CLVS1: variants seen among roughly 807,000 people sequenced by gnomAD.
The protein encoded by CLVS1 is clavesin 1, also known as clavesin-1.
In CLVS1, 10 loss-of-function variants were observed where a neutral mutation model predicts 33.1. That is an observed-to-expected ratio of 0.30 (90% confidence interval 0.19 to 0.51). The LOEUF (loss-of-function observed/expected upper bound fraction) is 0.51. Ranked by LOEUF, CLVS1 falls within the 20% of genes least tolerant of loss-of-function variation. The pLI, the probability that CLVS1 is intolerant of heterozygous loss-of-function variation, is 0.97. For synonymous variants in CLVS1, 163 were observed against 166.1 expected (o/e 0.98, Z 0.14); for missense variants, 343 against 433.4 (o/e 0.79, Z 1.85).
At chr8:61,438,225 G>T (rs1391915909) in intron 3 of CLVS1, among the ~76,000 whole-genome samples, 1 of 152,032 alleles carries the variant, frequency 6.6e-6, no homozygotes, top group Non-Finnish European at 1.5e-5. Context: ...TCCCCTCCCT[G>T]CGTCTATGTG....
chr8:61,300,025 T>A lies in CLVS1; in HGVS notation c.198T>A (p.Ile66=). 6.2e-7 allele frequency: 1 copy of A among 1,614,038 alleles called. No homozygotes were observed. The highest frequency in any genetic ancestry group is 1.7e-5 in the Admixed American group (1 of 59,978). The part of the protein sequence containing the change: ...VRDMIITRPD[I]GFLRTDDAFI... ...ACATGATCATCACCAGGCCTGACAT[T>A]GGATTTTTACGTACAGATGATGCCT... Residue 66 remains isoleucine (I), a synonymous_variant, in exon 2 of 6, where the codon ATT becomes ATA. Coordinates refer to ENST00000325897, the MANE Select transcript of CLVS1 (RefSeq NM_173519.3).
At chr8:61,380,976 C>T (rs1813854105) in intron 3 of CLVS1, among the ~76,000 whole-genome samples, 1 of 152,040 alleles carries the variant, frequency 6.6e-6, no homozygotes, top group Admixed American at 6.6e-5. Context: ...TATTTGATTC[C>T]TTGAAGGACC....
intron 5 of CLVS1, among the ~76,000 whole-genome samples, chr8:61,475,566 A>G (rs1432721361): frequency 6.6e-6 from 1 of 152,140 alleles, no homozygotes; most frequent in African/African-American, 2.4e-5. Context: ...GCATTTTTTC[A>G]TGTGTTTTTT....
chr8:61,120,871 C>A (rs931790399), intron 1 of CLVS1, among the ~76,000 whole-genome samples: 2 of 147,704 alleles, frequency 1.4e-5, no homozygotes, highest in African/African-American at 5.1e-5. Context: ...CAGAGGCAGG[C>A]AGGCCTCCTT....
chr8:61,086,004 C>A (rs1363441741), intron 1 of CLVS1, among the ~76,000 whole-genome samples: 1 of 133,750 alleles, frequency 7.5e-6, no homozygotes, highest in Non-Finnish European at 1.5e-5. Context: ...CCACTGCACT[C>A]CAGCCTGGGC....
intron 2 of CLVS1, among the ~76,000 whole-genome samples, chr8:61,177,433 C>T (rs755965652): frequency 3.9e-5 from 6 of 152,170 alleles, no homozygotes; most frequent in African/African-American, 1.2e-4. Context: ...TCAGCCCAGA[C>T]GAGTAAGATT....
At chr8:61,279,973 ATATCT>A (rs781648961) in intron 2 of CLVS1, among the ~76,000 whole-genome samples, 24 of 148,350 alleles carry the variant, frequency 1.6e-4, no homozygotes, top group Non-Finnish European at 2.9e-4. Flanking sequence ...TGAACTTTAA[ATATCT>A]TATTTTAAAT....
chr8:61,323,346 G>A (rs1004246742), intron 2 of CLVS1, among the ~76,000 whole-genome samples: 3 of 152,142 alleles, frequency 2.0e-5, no homozygotes, highest in African/African-American at 4.8e-5. Context: ...TCCTGTTGAC[G>A]AAAGCACATC....
intron 3 of CLVS1, among the ~76,000 whole-genome samples, chr8:61,397,737 C>T (rs1379913170): frequency 6.6e-6 from 1 of 152,034 alleles, no homozygotes; most frequent in East Asian, 1.9e-4. Flanking sequence ...TCCACTTCTC[C>T]CATCATCATT....
chr8:60,975,047 A>G, the CLVS1 span, among the ~76,000 whole-genome samples: 11 of 152,154 alleles, frequency 7.2e-5, no homozygotes, highest in Non-Finnish European at 1.6e-4. Flanking sequence ...AGTGCTGAGA[A>G]CCATGGATCA....
At chr8:60,972,713 G>A in the CLVS1 span, among the ~76,000 whole-genome samples, 3 of 152,108 alleles carry the variant, frequency 2.0e-5, no homozygotes, top group African/African-American at 4.8e-5. Flanking sequence ...CAGGAGGACT[G>A]TTTTCCACAA....
intron 3 of CLVS1, among the ~76,000 whole-genome samples, chr8:61,389,721 T>G (rs1814226614): frequency 6.6e-6 from 1 of 152,218 alleles, no homozygotes; most frequent in Non-Finnish European, 1.5e-5. Flanking sequence ...GATCTTGAGC[T>G]ATCTGGAAGA....
intron 1 of CLVS1, among the ~76,000 whole-genome samples, chr8:61,122,443 A>G (rs894870568): frequency 2.6e-5 from 4 of 152,152 alleles, no homozygotes; most frequent in African/African-American, 9.7e-5. Context: ...AAATCTGTCA[A>G]ACACATCTTT....
upstream of CLVS1, among the ~76,000 whole-genome samples, chr8:61,284,853 CAAA>C (rs1301761339): frequency 1.3e-5 from 2 of 152,100 alleles, no homozygotes; most frequent in Non-Finnish European, 2.9e-5. Flanking sequence ...TAGAATGTCT[CAAA>C]GAAGAGATCA....
At chr8:61,423,830 G>A (rs942884502) in intron 3 of CLVS1, among the ~76,000 whole-genome samples, 18 of 152,280 alleles carry the variant, frequency 1.2e-4, no homozygotes, top group African/African-American at 4.1e-4. Context: ...CTGAACTAAG[G>A]TGGAAATGTA....
At chr8:61,283,109 A>G (rs1198504672), upstream of CLVS1, among the ~76,000 whole-genome samples, 1 of 152,208 alleles carries the variant, frequency 6.6e-6, no homozygotes, top group Non-Finnish European at 1.5e-5. Context: ...CCGCAGCTAA[A>G]TAAGATTTGA....
intron 2 of CLVS1, among the ~76,000 whole-genome samples, chr8:61,179,631 T>C (rs1489467199): frequency 6.6e-6 from 1 of 152,078 alleles, no homozygotes; most frequent in African/African-American, 2.4e-5. Context: ...ACTGAAATAA[T>C]AACAAACAGT....
chr8:61,221,261 C>T (rs2978540), intron 2 of CLVS1, among the ~76,000 whole-genome samples: 24,794 of 152,062 alleles, frequency 0.16, 2,456 homozygotes, highest in Admixed American at 0.25. Context: ...TTTCTTGTGC[C>T]GGTTTGCAAA....
intron 1 of CLVS1, among the ~76,000 whole-genome samples, chr8:61,102,716 T>A (rs1487544130): frequency 6.6e-6 from 1 of 152,222 alleles, no homozygotes; most frequent in Non-Finnish European, 1.5e-5. Context: ...GGCTGAGGTA[T>A]CATGCTGGGA....
Sources: allele counts gnomAD v4.1 joint callset (sites outside exome capture counted in the v4.1 genomes callset), GRCh38; gene constraint gnomAD v4.1.1; transcripts MANE v1.5; gene names NCBI Gene and HGNC (gene_info 2026-07-23, HGNC 2026-07-21).